The following CDH11 variants were observed in gnomAD, a reference collection of about 807,000 sequenced individuals.
The protein encoded by CDH11 is cadherin 11.
In CDH11, 11 loss-of-function variants were observed where a neutral mutation model predicts 67.8. That is an observed-to-expected ratio of 0.16 (90% CI 0.10 to 0.27). The LOEUF is 0.27. Among genes scored for constraint, CDH11 ranks in the 10% least tolerant of loss-of-function variants. The probability of loss-of-function intolerance (pLI) is 1.00; values close to 1 mark genes in which losing one functional copy is unlikely to be tolerated. For missense variants in CDH11, 847 were observed against 1,031.2 expected (o/e 0.82, Z 2.45); for synonymous variants, 419 against 400.0 (o/e 1.05, Z -0.57).
At chr16:64,969,405 G>C (rs906698641) in intron 11 of CDH11, among the ~76,000 whole-genome samples, 1 of 152,168 alleles carries the variant, frequency 6.6e-6, no homozygotes, top group Non-Finnish European at 1.5e-5. Flanking sequence ...TCCAGTGTAA[G>C]TTGAGAATTG....
chr16:65,050,740 C>T (rs1426659685), intron 2 of CDH11, among the ~76,000 whole-genome samples: 1 of 151,842 alleles, frequency 6.6e-6, no homozygotes, highest in Non-Finnish European at 1.5e-5. Context: ...CCTTCCTCTC[C>T]TTGGAATAAA....
At chr16:64,996,231 T>C (rs920510510) in intron 4 of CDH11, among the ~76,000 whole-genome samples, 2 of 152,220 alleles carry the variant, frequency 1.3e-5, no homozygotes, top group Non-Finnish European at 2.9e-5. Context: ...GGCTTATGCC[T>C]GTAATCCTAG....
intron 7 of CDH11, chr16:64,985,325 A>G (rs1407221116): frequency 7.2e-5 from 11 of 151,824 alleles, no homozygotes; most frequent in Non-Finnish European, 1.6e-4. Flanking sequence ...CTCCTTCACT[A>G]CTATCTCACT....
At chr16:65,050,782 C>A (rs932989942) in intron 2 of CDH11, among the ~76,000 whole-genome samples, 9 of 148,652 alleles carry the variant, frequency 6.1e-5, no homozygotes, top group African/African-American at 2.2e-4. Flanking sequence ...ATAGACTGTT[C>A]TTAATTTCCA....
intron 1 of CDH11, among the ~76,000 whole-genome samples, chr16:65,095,422 T>A (rs1205075617): frequency 1.3e-5 from 2 of 152,208 alleles, no homozygotes; most frequent in Admixed American, 1.3e-4. Context: ...GTTTACTACA[T>A]GTAATGATCA....
intron 1 of CDH11, among the ~76,000 whole-genome samples, chr16:65,060,057 T>C (rs1440587992): frequency 6.6e-6 from 1 of 152,024 alleles, no homozygotes; most frequent in African/African-American, 2.4e-5. Flanking sequence ...TATTATTGCG[T>C]TGGTGCTTCT....
chr16:65,108,169 G>C (rs1239662159), intron 1 of CDH11, among the ~76,000 whole-genome samples: 1 of 151,972 alleles, frequency 6.6e-6, no homozygotes, highest in Non-Finnish European at 1.5e-5. Context: ...ATAGAGAGGG[G>C]GCAGCTACAA....
At chr16:65,100,377 G>T (rs1264628489) in intron 1 of CDH11, among the ~76,000 whole-genome samples, 1 of 152,092 alleles carries the variant, frequency 6.6e-6, no homozygotes, top group African/African-American at 2.4e-5. Context: ...TGACTGGAAA[G>T]GCTGAGATGA....
intron 11 of CDH11, 80 bp from the exon 12 acceptor site, chr16:64,951,098 G>A: frequency 7.2e-7 from 1 of 1,393,494 alleles, no homozygotes. Context: ...GCAGATTTGA[G>A]GGCACTCTCT....
At chr16:65,045,653 G>C (rs2073949935) in intron 2 of CDH11, among the ~76,000 whole-genome samples, 1 of 152,018 alleles carries the variant, frequency 6.6e-6, no homozygotes, top group East Asian at 1.9e-4. Flanking sequence ...TAGTAGCCAG[G>C]AAAGGAAATG....
intron 3 of CDH11, among the ~76,000 whole-genome samples, chr16:65,002,064 C>T (rs944356790): frequency 5.9e-5 from 9 of 152,196 alleles, no homozygotes; most frequent in African/African-American, 1.9e-4. Context: ...TATTCCATCC[C>T]TCCTATTTCC....
intron 1 of CDH11, among the ~76,000 whole-genome samples, chr16:65,084,254 C>T (rs1485590353): frequency 3.3e-5 from 5 of 152,072 alleles, no homozygotes; most frequent in Non-Finnish European, 7.4e-5. Context: ...TTTGGGAGGC[C>T]ACGGTGGGAG....
chr16:64,965,959 T>C (rs1236159059), intron 11 of CDH11, among the ~76,000 whole-genome samples: 1 of 151,894 alleles, frequency 6.6e-6, no homozygotes, highest in Non-Finnish European at 1.5e-5. Flanking sequence ...GGATTAATTG[T>C]AAATGTATAG....
At chr16:65,001,706 C>T (rs909220077) in intron 3 of CDH11, among the ~76,000 whole-genome samples, 2 of 151,594 alleles carry the variant, frequency 1.3e-5, no homozygotes, top group African/African-American at 2.4e-5. Context: ...GAAAGTAGGA[C>T]ATAACTTCCC....
At chr16:65,088,000 A>G (rs1376480753) in intron 1 of CDH11, among the ~76,000 whole-genome samples, 1 of 152,240 alleles carries the variant, frequency 6.6e-6, no homozygotes, top group Non-Finnish European at 1.5e-5. Context: ...GAATGTTGAT[A>G]TCTCCTCAAA....
chr16:64,992,960 T>G lies in CDH11; in HGVS notation c.598A>C (p.Ser200Arg). ...TYGNSAKLVYSILEGQPYFSV... is the reference protein window; with the variant it reads ...TYGNSAKLVYRILEGQPYFSV... ...AAATAGGGTTGTCCTTCGAGGATAC[T>G]GTACACTAACTTGGCGCTATTTCCA... Residue 200 changes from serine (S) to arginine (R), a missense_variant, in exon 5 of 13, where the codon AGT (serine) becomes CGT (arginine). Transcript: ENST00000268603. 6.2e-7 allele frequency: 1 copy of G among 1,612,718 alleles called. No homozygotes were observed. The highest frequency in any genetic ancestry group is 8.5e-7 in the Non-Finnish European group (1 of 1,178,740).
intron 1 of CDH11, among the ~76,000 whole-genome samples, chr16:65,062,904 A>G (rs1166969007): frequency 6.6e-6 from 1 of 152,224 alleles, no homozygotes; most frequent in Non-Finnish European, 1.5e-5. Flanking sequence ...ATTTGGCCAC[A>G]GAGGGGCTGA....
Position 64,946,246 on chromosome 16 carries a change from A to G in CDH11, c.*1357T>C. On this transcript the variant is annotated 3_prime_UTR_variant, in exon 13 of 13. Transcript: ENST00000268603. Reference sequence around the variant, plus strand: ...GGAGGAAAAATAAGCAGTTTCAACTATCAAGAGTCTTACAATAGCCTGGTA... The same window carrying G: ...GGAGGAAAAATAAGCAGTTTCAACTGTCAAGAGTCTTACAATAGCCTGGTA... 1 of 1,048,876 alleles carries G rather than the reference A, an allele frequency of 9.5e-7. No individual in the cohort carries two copies. Among genetic ancestry groups the G allele is most frequent in the Non-Finnish European group, 1.2e-6 (1 of 868,946 alleles). 65.0% of individuals were successfully genotyped at this position (1,048,876 alleles called of 1,614,324 possible).
chr16:65,085,824 G>C (rs770596539), intron 1 of CDH11, among the ~76,000 whole-genome samples: 9 of 152,168 alleles, frequency 5.9e-5, no homozygotes, highest in Non-Finnish European at 1.0e-4. Flanking sequence ...TTCATTCATT[G>C]CCTCATGCAA....
Sources: gnomAD v4.1 joint callset for allele counts (sites outside exome capture counted in the v4.1 genomes callset) on GRCh38, gnomAD v4.1.1 for gene constraint, MANE v1.5 for transcripts, NCBI Gene and HGNC (gene_info 2026-07-23, HGNC 2026-07-21) for gene names.